Variants in PILRA observed in about 807,000 individuals in gnomAD.
The protein encoded by PILRA is paired immunoglobin like type 2 receptor alpha.
In PILRA, 37 loss-of-function variants were observed where a neutral mutation model predicts 33.1. The observed-to-expected ratio is 1.12, with a 90% confidence interval of 0.86 to 1.47. The LOEUF is 1.47. Ranked by LOEUF, PILRA falls within the 40% of genes most tolerant of loss-of-function variation. The pLI is 0.00. For synonymous variants in PILRA, 146 were observed against 149.9 expected (o/e 0.97, Z 0.19); for missense variants, 312 against 376.2 (o/e 0.83, Z 1.41).
chr7:100,389,198 T>A (rs1046641787), intron 2 of PILRA, among the ~76,000 whole-genome samples: 2 of 152,194 alleles, frequency 1.3e-5, no homozygotes, highest in African/African-American at 4.8e-5. Flanking sequence ...GTGATTAACA[T>A]TTTTGGGAAG....
intron 3 of PILRA, among the ~76,000 whole-genome samples, chr7:100,391,954 A>C (rs2130225104): frequency 6.6e-6 from 1 of 152,316 alleles, no homozygotes; most frequent in South Asian, 2.1e-4. Context: ...GGCCTGAGGC[A>C]TTAATGAGTT....
upstream of PILRA, among the ~76,000 whole-genome samples, chr7:100,372,462 C>G (rs901132923): frequency 6.6e-6 from 1 of 152,210 alleles, no homozygotes; most frequent in African/African-American, 2.4e-5. Flanking sequence ...GGCCCCTCAA[C>G]TGATGCCACC....
intron 3 of PILRA, among the ~76,000 whole-genome samples, chr7:100,393,913 C>T (rs547130666): frequency 2.0e-5 from 3 of 152,154 alleles, no homozygotes; most frequent in South Asian, 2.1e-4. Context: ...GTGAGAGCCC[C>T]GGCCCTCTCC....
chr7:100,386,967 C>T lies in PILRA; in HGVS notation c.455-2921C>T, dbSNP rs1791267877. ...AACTTCTATGTGAGAATTCTATGTT[C>T]CTTAAATTTTTACAAGAATTTCTTT... is the stretch of plus-strand genomic sequence containing the variant. On this transcript the variant is annotated intron_variant, in intron 2 of 6. Coordinates refer to ENST00000198536, the MANE Select transcript of PILRA (RefSeq NM_013439.3). 3.3e-5 allele frequency among the ~76,000 whole-genome samples: 5 copies of T among 152,220 alleles called. No homozygotes were observed. In the South Asian group the frequency reaches 1.0e-3, roughly 32 times the overall value.
intron 2 of PILRA, among the ~76,000 whole-genome samples, chr7:100,381,940 C>G (rs573780114): frequency 2.6e-4 from 40 of 152,258 alleles, no homozygotes; most frequent in Admixed American, 6.5e-4. Context: ...TCTCGCCAGG[C>G]CTTAGCTGCC....
chr7:100,371,367 T>A (rs78015898), upstream of PILRA, among the ~76,000 whole-genome samples: 3 of 152,188 alleles, frequency 2.0e-5, no homozygotes, highest in African/African-American at 7.2e-5. Context: ...TTGGCTATTC[T>A]AGGTCCTTTG....
chr7:100,384,533 C>A (rs1386746523), intron 2 of PILRA, among the ~76,000 whole-genome samples: 1 of 150,892 alleles, frequency 6.6e-6, no homozygotes, highest in Admixed American at 6.6e-5. Flanking sequence ...GTAGCTAGGA[C>A]TGCAGGGGAG....
chr7:100,387,880 T>G (rs1001965547), intron 2 of PILRA, among the ~76,000 whole-genome samples: 1 of 152,228 alleles, frequency 6.6e-6, no homozygotes, highest in Non-Finnish European at 1.5e-5. Flanking sequence ...TGTGGCTATC[T>G]GTTCCCTAAT....
At chr7:100,382,416 A>G (rs1791127794) in intron 2 of PILRA, among the ~76,000 whole-genome samples, 1 of 152,140 alleles carries the variant, frequency 6.6e-6, no homozygotes, top group East Asian at 1.9e-4. Context: ...AAGTACACCA[A>G]TCACCACTCT....
At position 100,397,033 on chromosome 7, in the gene PILRA, G is replaced by GA. The variant is rs537368135; in HGVS notation, c.674-840dup. ...AAATAAAACATAACCTAAAGAGAGG[G>GA]AAAAAACAGAGGGACAGAAGAGTGC... On this transcript the variant is annotated intron_variant, in intron 3 of 6. Transcript: ENST00000198536. 3.3e-5 allele frequency among the ~76,000 whole-genome samples: 5 copies of GA among 150,402 alleles called. No individual in the cohort carries two copies. The South Asian group carries it at 1.0e-3, about 32-fold the overall frequency.
chr7:100,389,940 C>A lies in PILRA; in HGVS notation c.507C>A (p.Leu169=). The A allele has an allele frequency of 6.2e-7, 1 of 1,614,066 alleles. No individual in the cohort carries two copies. Among genetic ancestry groups the A allele is most frequent in the Non-Finnish European group, 8.5e-7 (1 of 1,180,004 alleles). The change falls in exon 3 of 7, where the codon CTC becomes CTA. Residue 169 remains leucine (L), a synonymous_variant. Transcript: ENST00000198536. Reference sequence around the variant, plus strand: ...GCAGCATGACTACCACCTGGAGGCTCAGTAGCACAACCACCACAACCGGCC... The same window carrying A: ...GCAGCATGACTACCACCTGGAGGCTAAGTAGCACAACCACCACAACCGGCC... ...RPSSMTTTWR[L]SSTTTTTGLR...
At chr7:100,398,947 T>C (rs1791561554) in intron 4 of PILRA, among the ~76,000 whole-genome samples, 1 of 151,894 alleles carries the variant, frequency 6.6e-6, no homozygotes, top group Admixed American at 6.6e-5. Flanking sequence ...AATTTTTTTT[T>C]TTTTTAATTT....
intron 3 of PILRA, among the ~76,000 whole-genome samples, chr7:100,390,395 G>A (rs1791365771): frequency 6.6e-6 from 1 of 152,088 alleles, no homozygotes. Context: ...TCCTGGGGAG[G>A]AGAGGGGAGG....
chr7:100,397,512 T>G (rs1584229701), intron 3 of PILRA, among the ~76,000 whole-genome samples: 1 of 128,942 alleles, frequency 7.8e-6, no homozygotes, highest in African/African-American at 3.0e-5. Flanking sequence ...CCTGAGGACC[T>G]GGAGGGAATG....
At chr7:100,387,033 C>A (rs1791269215) in intron 2 of PILRA, among the ~76,000 whole-genome samples, 1 of 152,114 alleles carries the variant, frequency 6.6e-6, no homozygotes, top group African/African-American at 2.4e-5. Context: ...AAAGGTAGTT[C>A]TTGCATAGCA....
intron 3 of PILRA, 37 bp from the exon 4 acceptor site, chr7:100,397,842 C>A (rs369560396): frequency 3.1e-6 from 5 of 1,608,522 alleles, no homozygotes; most frequent in Non-Finnish European, 4.3e-6. Flanking sequence ...TGCCATCACC[C>A]GGATGCCACC....
intron 2 of PILRA, among the ~76,000 whole-genome samples, chr7:100,383,966 G>C (rs1407998371): frequency 1.3e-5 from 2 of 152,104 alleles, no homozygotes; most frequent in Non-Finnish European, 2.9e-5. Context: ...CATCCCTCTC[G>C]CTATGGTATG....
chr7:100,373,578 C>T lies in PILRA; in HGVS notation c.-79C>T. 2.6e-6 allele frequency: 4 copies of T among 1,534,528 alleles called. No individual in the cohort carries two copies. Among genetic ancestry groups the T allele is most frequent in the Non-Finnish European group, 2.7e-6 (3 of 1,112,580 alleles). ...GGCTCTCCTCACTCACCTCAACCCCCAGGCGGCCCCTCCACAGGGCCCCTC... is the reference window on the plus strand; with the variant it reads ...GGCTCTCCTCACTCACCTCAACCCCTAGGCGGCCCCTCCACAGGGCCCCTC... On this transcript the variant is annotated 5_prime_UTR_variant, in exon 1 of 7. Coordinates refer to ENST00000198536, the MANE Select transcript of PILRA (RefSeq NM_013439.3).
Position 100,382,696 on chromosome 7 carries a change from G to C in PILRA, c.455-7192G>C, listed in dbSNP as rs372754078. On this transcript the variant is annotated intron_variant, in intron 2 of 6. Coordinates refer to ENST00000198536, the MANE Select transcript of PILRA (RefSeq NM_013439.3). ...CAACTGGCTCTGGTTCTCTTCTACGGTGTGGAAAGTTTCTTTTTTTTGCTT... is the reference window on the plus strand; with the variant it reads ...CAACTGGCTCTGGTTCTCTTCTACGCTGTGGAAAGTTTCTTTTTTTTGCTT... Among the ~76,000 whole-genome samples, 8 of 152,298 alleles carry C rather than the reference G, an allele frequency of 5.3e-5. No individual in the cohort carries two copies. In the East Asian group the frequency reaches 1.3e-3, roughly 26 times the overall value.
Sources: allele counts gnomAD v4.1 joint callset (sites outside exome capture counted in the v4.1 genomes callset), GRCh38; gene constraint gnomAD v4.1.1; transcripts MANE v1.5; gene names NCBI Gene and HGNC (gene_info 2026-07-23, HGNC 2026-07-21).